Variants in ST18 observed in about 807,000 individuals in gnomAD.
ST18 encodes the protein suppression of tumorigenicity 18 protein.
ST18 carries 50 observed loss-of-function variants against 110.0 expected under a neutral mutation model. The observed-to-expected ratio is 0.45, with a 90% CI of 0.36 to 0.58. The LOEUF (loss-of-function observed/expected upper bound fraction) is 0.58, where lower values mean the gene tolerates loss of function less well. Among genes scored for constraint, ST18 ranks in the 20% least tolerant of loss-of-function variants. The pLI is 0.00. For synonymous variants in ST18, 461 were observed against 452.4 expected (o/e 1.02, Z -0.24); for missense variants, 1,306 against 1,280.1 (o/e 1.02, Z -0.31).
At chr8:52,183,024 C>T (rs569872493) in intron 8 of ST18, among the ~76,000 whole-genome samples, 26 of 152,218 alleles carry the variant, frequency 1.7e-4, no homozygotes, top group Non-Finnish European at 3.4e-4. Flanking sequence ...CTTATAAAAA[C>T]GAATCACATT....
intron 2 of ST18, among the ~76,000 whole-genome samples, chr8:52,328,690 A>C (rs1052418758): frequency 2.0e-5 from 3 of 152,200 alleles, no homozygotes; most frequent in Non-Finnish European, 2.9e-5. Flanking sequence ...GTAGGACTTC[A>C]TATATTTGTA....
At chr8:52,303,221 G>T (rs2095757617) in intron 2 of ST18, among the ~76,000 whole-genome samples, 1 of 152,206 alleles carries the variant, frequency 6.6e-6, no homozygotes, top group African/African-American at 2.4e-5. Flanking sequence ...GAAGGCTTGG[G>T]GAAGGACACT....
chr8:52,276,024 C>G (rs1250245715), intron 2 of ST18, among the ~76,000 whole-genome samples: 1 of 19,820 alleles, frequency 5.0e-5, no homozygotes, highest in Non-Finnish European at 1.2e-4. Context: ...ACATACCCCC[C>G]ACACACACAC....
rs114369084 is a variant in ST18 at position 52,152,324 on chromosome 8, G to A, written c.1807-2347C>T. On this transcript the variant is annotated intron_variant, in intron 15 of 25. Transcript: ENST00000689386. ...ATGGGCATCACTTCTCTCTGTGCTT[G>A]AAACTCCAAATGGCAGCACAAAAAG... Among the ~76,000 whole-genome samples, 498 of 152,310 alleles carry A rather than the reference G, an allele frequency of 3.3e-3. 4 individuals carry two copies. The highest frequency in any genetic ancestry group is 0.012 in the African/African-American group (485 of 41,564).
chr8:52,155,803 G>T (rs1306247922), intron 15 of ST18, among the ~76,000 whole-genome samples: 1 of 152,108 alleles, frequency 6.6e-6, no homozygotes, highest in Non-Finnish European at 1.5e-5. Context: ...ATTAAGCTTG[G>T]AGTCTGTTGT....
At chr8:52,335,216 C>A (rs1452278742) in intron 2 of ST18, among the ~76,000 whole-genome samples, 1 of 152,130 alleles carries the variant, frequency 6.6e-6, no homozygotes, top group Non-Finnish European at 1.5e-5. Context: ...AGCTCTCTAC[C>A]TGAAACAAAG....
chr8:52,214,132 A>G, intron 7 of ST18, 71 bp downstream of exon 7: 1 of 1,458,402 alleles, frequency 6.9e-7, no homozygotes. Flanking sequence ...CACACGAGGG[A>G]CTGAGCACTG....
chr8:52,376,898 G>T (rs746733061), intron 2 of ST18, among the ~76,000 whole-genome samples: 6 of 152,126 alleles, frequency 3.9e-5, no homozygotes, highest in African/African-American at 4.8e-5. Flanking sequence ...GACTTTGATG[G>T]GTCCAAGATT....
intron 2 of ST18, among the ~76,000 whole-genome samples, chr8:52,323,477 C>G (rs1302374338): frequency 6.6e-6 from 1 of 152,172 alleles, no homozygotes; most frequent in Non-Finnish European, 1.5e-5. Context: ...GGATGTAAAC[C>G]TCAAATACCT....
At chr8:52,217,177 TA>T (rs945633690) in intron 6 of ST18, among the ~76,000 whole-genome samples, 1 of 152,192 alleles carries the variant, frequency 6.6e-6, no homozygotes, top group Non-Finnish European at 1.5e-5. Context: ...TTTTATTTTT[TA>T]AAAAGCTGTT....
At chr8:52,241,521 A>G (rs2093401201) in intron 2 of ST18, among the ~76,000 whole-genome samples, 1 of 152,246 alleles carries the variant, frequency 6.6e-6, no homozygotes, top group Admixed American at 6.5e-5. Context: ...TAGCATGTGA[A>G]CAACAACCCA....
At chr8:52,137,598 T>A in intron 17 of ST18, 115 bp from the exon 18 acceptor site, 1 of 941,348 alleles carries the variant, frequency 1.1e-6, no homozygotes, top group Non-Finnish European at 1.6e-6. Flanking sequence ...TAACACAGTA[T>A]AGGACATGCA....
intron 2 of ST18, among the ~76,000 whole-genome samples, chr8:52,346,085 A>G (rs1470646657): frequency 2.0e-5 from 3 of 151,892 alleles, no homozygotes; most frequent in Non-Finnish European, 4.4e-5. Flanking sequence ...GAAAAACTAA[A>G]AACCCCAAAT....
intron 2 of ST18, among the ~76,000 whole-genome samples, chr8:52,289,901 T>C (rs1242629707): frequency 6.6e-6 from 1 of 151,944 alleles, no homozygotes; most frequent in Non-Finnish European, 1.5e-5. Flanking sequence ...TACCTGTGGT[T>C]AGAGATGGGG....
intron 2 of ST18, among the ~76,000 whole-genome samples, chr8:52,295,549 C>T (rs1329461125): frequency 1.3e-5 from 2 of 151,938 alleles, no homozygotes; most frequent in African/African-American, 4.8e-5. Context: ...AGAAATTTTG[C>T]CTGATGCAAA....
chr8:52,194,203 G>GT (rs2075473097), intron 8 of ST18, among the ~76,000 whole-genome samples: 1 of 152,136 alleles, frequency 6.6e-6, no homozygotes. Flanking sequence ...AACGAGAGGA[G>GT]TAACAGGAAA....
Position 52,153,726 on chromosome 8 carries a change from T to C in ST18, c.1807-3749A>G, listed in dbSNP as rs2059353751. ...GGCCAGCAGCTTAGCTACTCTAAGA[T>C]CTTAAGAAGAGAAGTTAGACAGGCA... On this transcript the variant is annotated intron_variant, in intron 15 of 25. Coordinates refer to ENST00000689386, the MANE Select transcript of ST18 (RefSeq NM_001352837.2). Among the ~76,000 whole-genome samples, 3 of 152,216 alleles carry C rather than the reference T, an allele frequency of 2.0e-5. No individual in the cohort carries two copies. The South Asian group carries it at 6.2e-4, about 32-fold the overall frequency.
intron 2 of ST18, among the ~76,000 whole-genome samples, chr8:52,291,766 G>GT (rs201216493): frequency 3.9e-4 from 58 of 149,940 alleles, no homozygotes; most frequent in African/African-American, 7.3e-4. Context: ...GTTTTTTTTT[G>GT]TTTTTTTTGT....
intron 22 of ST18, among the ~76,000 whole-genome samples, chr8:52,130,069 A>AGG (rs2048630805): frequency 2.7e-5 from 4 of 149,298 alleles, no homozygotes; most frequent in Non-Finnish European, 5.9e-5. Context: ...AGAAAGAGAG[A>AGG]GAGAGAGAGA....
Sources: gnomAD v4.1 joint callset for allele counts (sites outside exome capture counted in the v4.1 genomes callset) on GRCh38, gnomAD v4.1.1 for gene constraint, MANE v1.5 for transcripts, NCBI Gene and HGNC (gene_info 2026-07-23, HGNC 2026-07-21) for gene names.